CALCR: variants seen among roughly 807,000 people sequenced by gnomAD.
The protein encoded by CALCR is calcitonin receptor.
CALCR carries 47 observed loss-of-function variants against 59.5 expected under a neutral mutation model. That is an observed-to-expected ratio of 0.79 (90% CI 0.63 to 1.01). CALCR has a LOEUF of 1.01. Ranked by LOEUF, CALCR falls within the 50% of genes least tolerant of loss-of-function variation. The probability of loss-of-function intolerance (pLI) is 0.00; values close to 1 mark genes in which losing one functional copy is unlikely to be tolerated. For missense variants in CALCR, 566 were observed against 597.1 expected (o/e 0.95, Z 0.54); for synonymous variants, 213 against 211.3 (o/e 1.01, Z -0.07).
intron 2 of CALCR, among the ~76,000 whole-genome samples, chr7:93,492,530 A>T (rs1584581330): frequency 6.6e-6 from 1 of 151,440 alleles, no homozygotes; most frequent in East Asian, 2.0e-4. Context: ...GTTGATCATT[A>T]TTCATTGTTT....
At chr7:93,543,519 G>A (rs1016186201) in intron 2 of CALCR, among the ~76,000 whole-genome samples, 10 of 152,132 alleles carry the variant, frequency 6.6e-5, no homozygotes, top group African/African-American at 9.7e-5. Context: ...AGCATGGAAA[G>A]TAAGGCTACG....
In CALCR at chr7:93,443,703, A is replaced by G. The variant is rs1176553524; in HGVS notation, c.703T>C (p.Phe235Leu). 1.2e-6 allele frequency: 2 copies of G among 1,613,368 alleles called. No individual in the cohort carries two copies. Among genetic ancestry groups the G allele is most frequent in the Admixed American group, 1.7e-5 (1 of 59,982 alleles). Residue 235 changes from phenylalanine (F) to leucine (L), a missense_variant, in exon 9 of 14, where the codon TTC becomes CTC. Coordinates refer to ENST00000426151, the MANE Select transcript of CALCR (RefSeq NM_001742.4). ...TAGATCCCTTCACAGAGCATCCAGA[A>G]ATAGTTGCAGGCCATCATGTACTGG... ...FHQYMMACNYFWMLCEGIYLH... is the reference protein window; with the variant it reads ...FHQYMMACNYLWMLCEGIYLH...
chr7:93,544,501 T>C (rs748438731), intron 2 of CALCR, among the ~76,000 whole-genome samples: 1 of 152,202 alleles, frequency 6.6e-6, no homozygotes, highest in Non-Finnish European at 1.5e-5. Context: ...TAAAACATCT[T>C]AGATGTATTT....
chr7:93,574,089 G>A (rs909941940), intron 2 of CALCR, among the ~76,000 whole-genome samples, 200 bp downstream of exon 2: 2 of 152,186 alleles, frequency 1.3e-5, no homozygotes, highest in Non-Finnish European at 2.9e-5. Flanking sequence ...CTCTTCCCAG[G>A]ACACCTATTT....
At chr7:93,540,381 AT>A (rs1789100935) in intron 2 of CALCR, among the ~76,000 whole-genome samples, 1 of 152,186 alleles carries the variant, frequency 6.6e-6, no homozygotes, top group Admixed American at 6.5e-5. Flanking sequence ...GATGCTCAAC[AT>A]TTTAAATATA....
intron 2 of CALCR, among the ~76,000 whole-genome samples, chr7:93,565,423 A>ATAT (rs1374511395): frequency 1.3e-5 from 2 of 152,214 alleles, no homozygotes; most frequent in Non-Finnish European, 2.9e-5. Context: ...ATATGCCCAG[A>ATAT]TATTAATATT....
intron 8 of CALCR, among the ~76,000 whole-genome samples, chr7:93,444,580 T>C (rs1487998787): frequency 6.6e-6 from 1 of 152,088 alleles, no homozygotes; most frequent in Non-Finnish European, 1.5e-5. Context: ...AACTAATTTC[T>C]ATCCACTAGA....
chr7:93,477,815 G>C (rs912824239), intron 4 of CALCR, 147 bp from the exon 5 acceptor site: 1 of 585,784 alleles, frequency 1.7e-6, no homozygotes, highest in Non-Finnish European at 3.1e-6. Flanking sequence ...ATTTATTTTG[G>C]AAATAAAGTT....
intron 3 of CALCR, among the ~76,000 whole-genome samples, chr7:93,482,226 A>G (rs1161953144): frequency 1.3e-5 from 2 of 151,992 alleles, no homozygotes; most frequent in African/African-American, 2.4e-5. Flanking sequence ...TAAAAATTCA[A>G]TTACATATTA....
At chr7:93,437,054 T>TTA (rs1799796168) in intron 11 of CALCR, among the ~76,000 whole-genome samples, 1 of 151,958 alleles carries the variant, frequency 6.6e-6, no homozygotes, top group Non-Finnish European at 1.5e-5. Flanking sequence ...AATGCACTAA[T>TTA]GTGCATTTCC....
At chr7:93,559,212 C>T (rs1285788733) in intron 2 of CALCR, among the ~76,000 whole-genome samples, 2 of 152,106 alleles carry the variant, frequency 1.3e-5, no homozygotes, top group Non-Finnish European at 2.9e-5. Context: ...GCTTCTACCA[C>T]ACCTCTTTCT....
chr7:93,526,669 T>C (rs1192208597), intron 2 of CALCR, among the ~76,000 whole-genome samples: 1 of 152,070 alleles, frequency 6.6e-6, no homozygotes, highest in African/African-American at 2.4e-5. Context: ...TTAAGGCAGG[T>C]CATAACATTT....
Position 93,472,362 on chromosome 7 carries a change from A to G in CALCR, c.429+13T>C. 1 of 1,466,752 alleles carries G rather than the reference A, an allele frequency of 6.8e-7. No individual in the cohort carries two copies. 90.9% of individuals were successfully genotyped at this position (1,466,752 alleles called of 1,614,324 possible). A position where few individuals can be genotyped will look rare whatever the true frequency, so the allele number is the denominator to read the frequency against. On this transcript the variant is annotated intron_variant, in intron 6 of 13. Coordinates refer to ENST00000426151, the MANE Select transcript of CALCR (RefSeq NM_001742.4). Reference sequence around the variant, plus strand: ...CATTCTCACTCAATACTGAAACGTGAAAAAGAACCTACCTTCAGTTTCTCA... The same window carrying G: ...CATTCTCACTCAATACTGAAACGTGGAAAAGAACCTACCTTCAGTTTCTCA...
chr7:93,490,188 G>C (rs1395887108), intron 2 of CALCR, among the ~76,000 whole-genome samples: 1 of 151,872 alleles, frequency 6.6e-6, no homozygotes, highest in Admixed American at 6.6e-5. Flanking sequence ...TGCAGAAAAG[G>C]CCTTTGATAA....
chr7:93,480,252 A>G (rs1800764410), intron 3 of CALCR, among the ~76,000 whole-genome samples: 2 of 151,912 alleles, frequency 1.3e-5, no homozygotes, highest in Admixed American at 1.3e-4. Context: ...GTTTGAAAAG[A>G]TCACTCTGTC....
chr7:93,502,719 AT>A (rs1295421575), intron 2 of CALCR, among the ~76,000 whole-genome samples: 3 of 152,074 alleles, frequency 2.0e-5, no homozygotes, highest in Admixed American at 1.3e-4. Flanking sequence ...AAAATAATGA[AT>A]TTGTTAATCT....
At chr7:93,496,058 G>T in intron 2 of CALCR, 1 of 671,806 alleles carries the variant, frequency 1.5e-6, no homozygotes, top group Non-Finnish European at 2.4e-6. Context: ...AAATTTACTT[G>T]AAAAGCAAAG....
chr7:93,546,572 TTTTC>T (rs1789292116), intron 2 of CALCR, among the ~76,000 whole-genome samples: 1 of 150,394 alleles, frequency 6.6e-6, no homozygotes, highest in Non-Finnish European at 1.5e-5. Flanking sequence ...TTTCTTTTTC[TTTTC>T]TTTTTTTTTT....
At chr7:93,488,772 T>C (rs951122553) in intron 2 of CALCR, among the ~76,000 whole-genome samples, 1 of 151,514 alleles carries the variant, frequency 6.6e-6, no homozygotes, top group Non-Finnish European at 1.5e-5. Flanking sequence ...AATAAGTTCT[T>C]AGAGACTTAC....
Sources: gnomAD v4.1 joint callset for allele counts (sites outside exome capture counted in the v4.1 genomes callset) on GRCh38, gnomAD v4.1.1 for gene constraint, MANE v1.5 for transcripts, NCBI Gene and HGNC (gene_info 2026-07-23, HGNC 2026-07-21) for gene names.